LY75: variants seen among roughly 807,000 people sequenced by gnomAD.
LY75 encodes the protein lymphocyte antigen 75.
A neutral mutation model predicts 231.7 loss-of-function variants in LY75; 185 were observed. The ratio of observed to expected loss-of-function variants is 0.80; its 90% CI spans 0.71 to 0.90. The LOEUF is 0.90. LY75 is among the 40% of genes least tolerant of loss of function. The pLI is 0.00. For missense variants in LY75, 1,947 were observed against 2,050.2 expected (o/e 0.95, Z 0.97); for synonymous variants, 668 against 689.0 (o/e 0.97, Z 0.48).
intron 11 of LY75, among the ~76,000 whole-genome samples, chr2:159,877,883 A>G (rs1685322746): frequency 1.3e-5 from 2 of 152,166 alleles, no homozygotes; most frequent in South Asian, 4.1e-4. Flanking sequence ...CAAAAACAAA[A>G]ACAAAAACAA....
rs1430825455 is a variant in LY75 at position 159,898,863 on chromosome 2, C to T, written c.291G>A (p.Met97Ile). 7 of 1,614,224 alleles carry T rather than the reference C, an allele frequency of 4.3e-6. No homozygotes were observed. In the South Asian group the frequency reaches 6.6e-5, roughly 15 times the overall value. ...DITKSVNELR[M>I]FSCDSSAMLW... ...GCATGGCACTGGAGTCACAGCTGAA[C>T]ATTCTCAGCTCATTTACCGATTTGG... is the stretch of plus-strand genomic sequence containing the variant. The change falls in exon 2 of 35, where the codon ATG (methionine) becomes ATA (isoleucine). Residue 97 changes from methionine (M) to isoleucine (I), a missense_variant. Physicochemically the swap from Met to Ile is conservative, Grantham distance 10. Transcript: ENST00000263636.
chr2:159,884,798 A>C (rs1685536702), intron 6 of LY75, among the ~76,000 whole-genome samples: 1 of 152,184 alleles, frequency 6.6e-6, no homozygotes, highest in Admixed American at 6.6e-5. Context: ...TTGCATTTCT[A>C]ACAGGAAGAG....
At position 159,854,907 on chromosome 2, in the gene LY75, G is replaced by A. The variant is rs1049988789; in HGVS notation, c.2416C>T (p.Pro806Ser). 3.7e-5 allele frequency: 59 copies of A among 1,613,652 alleles called. No homozygotes were observed. The highest frequency in any genetic ancestry group is 5.0e-5 in the Admixed American group (3 of 59,966). Residue 806 changes from proline to serine, a missense_variant, in exon 17 of 35, where the codon CCA becomes TCA. Physicochemically the swap from Pro to Ser is moderately conservative, Grantham distance 74. Transcript: ENST00000263636. ...AATTTCAGTTTTCTTAACTCACCTG[G>A]ATTGTACCAGTCTGGTGTTTTTGGA... The part of the protein sequence containing the change: ...RTPKTPDWYN[P>S]DRAGIHGPPL...
intron 13 of LY75, 39 bp from the exon 14 acceptor site, chr2:159,864,959 T>G: frequency 6.4e-7 from 1 of 1,555,544 alleles, no homozygotes; most frequent in Non-Finnish European, 8.7e-7. Flanking sequence ...AGGACAATGC[T>G]TGGCAAAAAT....
rs1683140418 is a variant in LY75 at position 159,817,042 on chromosome 2, T to C, written c.4154-10A>G. 3.8e-6 allele frequency: 6 copies of C among 1,579,944 alleles called. No homozygotes were observed. In the South Asian group the frequency reaches 7.0e-5, roughly 19 times the overall value. On this transcript the variant is annotated splice_polypyrimidine_tract_variant and intron_variant, in intron 29 of 34. Coordinates refer to ENST00000263636, the MANE Select transcript of LY75 (RefSeq NM_002349.4). ...TCTTCTTTGTAGTCAACTATAATAA[T>C]TAAAAGCACTGGTGATTAAAATTTA...
Position 159,840,739 on chromosome 2 carries a change from A to G in LY75, c.3497T>C (p.Phe1166Ser). The part of the protein sequence containing the change: ...LHNSSLWIGL[F>S]SQDDELNFGW... ...GGACTGAACACTTACATCTTGACTG[A>G]AGAGTCCGATCCATAAGGAAGAGTT... The change falls in exon 25 of 35, where the codon TTC becomes TCC. Residue 1166 changes from phenylalanine (F) to serine (S), a missense_variant. Physicochemically the swap from Phe to Ser is radical, Grantham distance 155. Coordinates refer to ENST00000263636, the MANE Select transcript of LY75 (RefSeq NM_002349.4). 6.2e-7 allele frequency: 1 copy of G among 1,614,006 alleles called. No individual in the cohort carries two copies. Among genetic ancestry groups the G allele is most frequent in the Non-Finnish European group, 8.5e-7 (1 of 1,179,932 alleles).
At chr2:159,805,430 T>C (rs547763684) in intron 34 of LY75, among the ~76,000 whole-genome samples, 3 of 152,334 alleles carry the variant, frequency 2.0e-5, no homozygotes, top group South Asian at 4.1e-4. Flanking sequence ...AATGTAAGTG[T>C]TTTCCTATTC....
intron 17 of LY75, 54 bp downstream of exon 17, chr2:159,854,850 C>T (rs12478147): frequency 0.01 from 16,763 of 1,599,920 alleles, 136 homozygotes; most frequent in Admixed American, 0.037. Context: ...TAACTAAATG[C>T]ATTAGTGACA....
chr2:159,898,970 T>A lies in LY75; in HGVS notation c.184A>T (p.Thr62Ser). ...GWIVADDCDE[T>S]EDKLWKWVSQ... ...ACCCACTTCCATAACTTGTCCTCAG[T>A]TTCATCACAGTCGTCTGCTACTATC... The change falls in exon 2 of 35, where the codon ACT becomes TCT. Residue 62 changes from threonine (T) to serine (S), a missense_variant. Thr to Ser is a moderately conservative substitution (Grantham distance 58, BLOSUM62 1). Transcript: ENST00000263636. The A allele has an allele frequency of 6.2e-7, 1 of 1,614,216 alleles. No individual in the cohort carries two copies. Among genetic ancestry groups the A allele is most frequent in the South Asian group, 1.1e-5 (1 of 91,086 alleles).
chr2:159,863,199 C>T (rs1349688681), intron 14 of LY75, among the ~76,000 whole-genome samples: 1 of 152,072 alleles, frequency 6.6e-6, no homozygotes, highest in African/African-American at 2.4e-5. Flanking sequence ...CTTGCTTCAT[C>T]CATTCATCTG....
chr2:159,844,793 T>C (rs76127960), intron 23 of LY75, among the ~76,000 whole-genome samples: 2 of 143,078 alleles, frequency 1.4e-5, no homozygotes, highest in African/African-American at 5.2e-5. Context: ...GTCATTCTTT[T>C]TTTTTTTTTT....
At chr2:159,898,437 G>T (rs1324638365) in intron 2 of LY75, among the ~76,000 whole-genome samples, 1 of 151,986 alleles carries the variant, frequency 6.6e-6, no homozygotes, top group African/African-American at 2.4e-5. Context: ...TGAAATCCCA[G>T]GTTTATCACA....
In LY75 at chr2:159,899,128, G is replaced by A. The variant is rs555095394; in HGVS notation, c.95-69C>T. 4.0e-5 allele frequency: 62 copies of A among 1,558,532 alleles called. No individual in the cohort carries two copies. The South Asian group carries it at 6.9e-4, about 17-fold the overall frequency. ...CGCCTTGCTCCCTGCCTGCTGAGGA[G>A]AGTCTGAGCACTACTGGACTGTTCC... On this transcript the variant is annotated intron_variant, in intron 1 of 34. Coordinates refer to ENST00000263636, the MANE Select transcript of LY75 (RefSeq NM_002349.4).
chr2:159,868,340 G>A (rs932653392), intron 13 of LY75, among the ~76,000 whole-genome samples: 4 of 151,972 alleles, frequency 2.6e-5, no homozygotes, highest in African/African-American at 9.7e-5. Flanking sequence ...TTTATGATTA[G>A]AAAAAAATTA....
chr2:159,819,140 G>A (rs188331137), intron 29 of LY75, among the ~76,000 whole-genome samples: 469 of 152,340 alleles, frequency 3.1e-3, no homozygotes, highest in Non-Finnish European at 4.5e-3. Flanking sequence ...CACCTTTACG[G>A]GCTCCCAGTG....
chr2:159,904,504 C>T (rs556767214), intron 1 of LY75, 85 bp downstream of exon 1: 4 of 1,372,664 alleles, frequency 2.9e-6, no homozygotes, highest in Non-Finnish European at 3.8e-6. Flanking sequence ...GCCCCAGGGG[C>T]GCAGCCCTGC....
Position 159,886,422 on chromosome 2 carries a change from G to A in LY75, c.911C>T (p.Pro304Leu). ...GGGGGTAGGGAAAGAGCAGTTACCT[G>A]GATCCCAGTTGAGAAAGTTTAATGG... ...HKPLNFLNWD[P>L]DRPSAPTIGG... The change falls in exon 5 of 35, where the codon CCA becomes CTA. Residue 304 changes from proline to leucine, a missense_variant and splice_region_variant. Coordinates refer to ENST00000263636, the MANE Select transcript of LY75 (RefSeq NM_002349.4). 6.2e-7 allele frequency: 1 copy of A among 1,606,038 alleles called. No individual in the cohort carries two copies. The highest frequency in any genetic ancestry group is 1.7e-4 in the Middle Eastern group (1 of 6,006).
intron 9 of LY75, among the ~76,000 whole-genome samples, chr2:159,879,010 G>A (rs904126582): frequency 6.6e-6 from 1 of 152,220 alleles, no homozygotes; most frequent in East Asian, 1.9e-4. Context: ...TGATATTAGT[G>A]GGGGAAGTAA....
In LY75 at chr2:159,867,398, T is replaced by C. The variant is rs892622087; in HGVS notation, c.2118-2478A>G. ...GGATATCACATTGATCATTGCACACTTCCAATGTTGATTTTAGAAAATGTG... is the reference window on the plus strand; with the variant it reads ...GGATATCACATTGATCATTGCACACCTCCAATGTTGATTTTAGAAAATGTG... On this transcript the variant is annotated intron_variant, in intron 13 of 34. Coordinates refer to ENST00000263636, the MANE Select transcript of LY75 (RefSeq NM_002349.4). Among the ~76,000 whole-genome samples the C allele has an allele frequency of 2.6e-5, 4 of 152,172 alleles. No homozygotes were observed. The East Asian group carries it at 5.8e-4, about 22-fold the overall frequency.
Sources: gnomAD v4.1 joint callset for allele counts (sites outside exome capture counted in the v4.1 genomes callset) on GRCh38, gnomAD v4.1.1 for gene constraint, MANE v1.5 for transcripts, NCBI Gene and HGNC (gene_info 2026-07-23, HGNC 2026-07-21) for gene names.